BBOX1: variants seen among roughly 807,000 people sequenced by gnomAD.
BBOX1 encodes the protein gamma-butyrobetaine dioxygenase.
BBOX1 carries 35 observed loss-of-function variants against 41.6 expected under a neutral mutation model. That is an observed-to-expected ratio of 0.84 (90% CI 0.64 to 1.11). BBOX1 has a LOEUF of 1.11. Ranked by LOEUF, BBOX1 falls within the 50% of genes most tolerant of loss-of-function variation. The pLI is 0.00. For synonymous variants in BBOX1, 163 were observed against 154.7 expected (o/e 1.05, Z -0.40); for missense variants, 458 against 460.6 (o/e 0.99, Z 0.05).
chr11:27,046,234 C>T (rs1564949582), intron 2 of BBOX1: 1 of 152,004 alleles, frequency 6.6e-6, no homozygotes, highest in Admixed American at 6.6e-5. Flanking sequence ...TCTTGATTTT[C>T]CAAACAGTGC....
At chr11:27,072,915 A>T (rs1266210393) in intron 4 of BBOX1, among the ~76,000 whole-genome samples, 1 of 152,224 alleles carries the variant, frequency 6.6e-6, no homozygotes, top group African/African-American at 2.4e-5. Flanking sequence ...AAATTAATTC[A>T]AGACGGATTA....
chr11:27,062,317 A>C (rs1857152867), intron 4 of BBOX1, among the ~76,000 whole-genome samples: 1 of 152,242 alleles, frequency 6.6e-6, no homozygotes, highest in Middle Eastern at 3.4e-3. Flanking sequence ...TTGGTCCTAA[A>C]CCTGCAGGCG....
At chr11:27,056,897 C>G (rs11029813) in intron 3 of BBOX1, among the ~76,000 whole-genome samples, 1 of 150,906 alleles carries the variant, frequency 6.6e-6, no homozygotes, top group Non-Finnish European at 1.5e-5. Context: ...GAAACCCCGT[C>G]TCAACTAAAA....
At chr11:27,086,315 T>G (rs903860149) in intron 4 of BBOX1, among the ~76,000 whole-genome samples, 7 of 152,128 alleles carry the variant, frequency 4.6e-5, no homozygotes, top group African/African-American at 1.7e-4. Flanking sequence ...CTGACCCTTT[T>G]GTTAGGGACC....
chr11:27,075,805 A>G (rs1857613173), intron 4 of BBOX1, among the ~76,000 whole-genome samples: 1 of 152,184 alleles, frequency 6.6e-6, no homozygotes, highest in African/African-American at 2.4e-5. Flanking sequence ...AAGGCTGCCT[A>G]TAGGTGCACT....
intron 2 of BBOX1, among the ~76,000 whole-genome samples, chr11:27,052,151 ATTATCTT>A (rs1851691066): frequency 6.6e-6 from 1 of 152,106 alleles, no homozygotes; most frequent in Non-Finnish European, 1.5e-5. Context: ...TGACAAAGTC[ATTATCTT>A]TCATAAAATG....
intron 4 of BBOX1, among the ~76,000 whole-genome samples, chr11:27,079,869 G>A (rs2134013132): frequency 6.6e-6 from 1 of 152,186 alleles, no homozygotes; most frequent in East Asian, 1.9e-4. Flanking sequence ...TGTCTCTCAT[G>A]ATACTCATCC....
chr11:27,098,092 C>T (rs1240297408), intron 5 of BBOX1, among the ~76,000 whole-genome samples: 1 of 151,972 alleles, frequency 6.6e-6, no homozygotes, highest in Non-Finnish European at 1.5e-5. Context: ...GCTTTTATAT[C>T]TCCTGGACCT....
chr11:27,077,035 C>G (rs1857655189), intron 4 of BBOX1, among the ~76,000 whole-genome samples: 1 of 152,138 alleles, frequency 6.6e-6, no homozygotes, highest in African/African-American at 2.4e-5. Flanking sequence ...AAAGCCAGAA[C>G]ACCCAGCTCC....
intron 5 of BBOX1, among the ~76,000 whole-genome samples, chr11:27,105,695 A>G (rs1858841037): frequency 6.6e-6 from 1 of 152,178 alleles, no homozygotes; most frequent in African/African-American, 2.4e-5. Flanking sequence ...GAACTTCCCC[A>G]ATCTAGCAAG....
At chr11:27,111,574 TTC>T (rs1231601227) in intron 5 of BBOX1, among the ~76,000 whole-genome samples, 1 of 152,026 alleles carries the variant, frequency 6.6e-6, no homozygotes, top group African/African-American at 2.4e-5. Context: ...ATTTAGTACA[TTC>T]ACAATTTTGT....
At chr11:27,106,742 A>T (rs1183471965) in intron 5 of BBOX1, among the ~76,000 whole-genome samples, 2 of 93,168 alleles carry the variant, frequency 2.1e-5, no homozygotes, top group Non-Finnish European at 4.2e-5. Context: ...GGGACCTAAT[A>T]GACATCTACA....
At chr11:27,054,306 T>C (rs1372132868) in intron 2 of BBOX1, among the ~76,000 whole-genome samples, 1 of 152,034 alleles carries the variant, frequency 6.6e-6, no homozygotes, top group Admixed American at 6.6e-5. Flanking sequence ...TCCATTGTCA[T>C]ATGTCACCTT....
intron 4 of BBOX1, among the ~76,000 whole-genome samples, chr11:27,060,139 T>C (rs1564957220): frequency 6.6e-6 from 1 of 152,156 alleles, no homozygotes; most frequent in Non-Finnish European, 1.5e-5. Context: ...AGGTGGGGCC[T>C]CGTGGGAGGT....
intron 4 of BBOX1, among the ~76,000 whole-genome samples, chr11:27,076,973 C>T (rs1373610627): frequency 6.6e-6 from 1 of 152,054 alleles, no homozygotes; most frequent in East Asian, 1.9e-4. Context: ...TCAGAACTCC[C>T]CAGAAGACAG....
In BBOX1 at chr11:27,105,423, G is replaced by A. The variant is rs565144163; in HGVS notation, c.534-10029G>A. Among the ~76,000 whole-genome samples, 12 of 152,254 alleles carry A rather than the reference G, an allele frequency of 7.9e-5. 1 individual carries two copies. The South Asian group carries it at 2.3e-3, about 29-fold the overall frequency. ...ATGACCTGATGGAGCTGAAAACCATGGCACGAGAACTACGTGACGAATGCA... is the reference window on the plus strand; with the variant it reads ...ATGACCTGATGGAGCTGAAAACCATAGCACGAGAACTACGTGACGAATGCA... On this transcript the variant is annotated intron_variant, in intron 5 of 8. Transcript: ENST00000263182.
At chr11:27,126,744 C>G (rs984446747) in intron 8 of BBOX1, among the ~76,000 whole-genome samples, 2 of 148,588 alleles carry the variant, frequency 1.3e-5, no homozygotes, top group Non-Finnish European at 3.0e-5. Flanking sequence ...GGCGTGATCT[C>G]GGCTCACTGC....
intron 4 of BBOX1, among the ~76,000 whole-genome samples, chr11:27,089,519 G>A (rs1858162842): frequency 6.6e-6 from 1 of 151,950 alleles, no homozygotes; most frequent in African/African-American, 2.4e-5. Context: ...AGTCTACATA[G>A]GAATAGAAAA....
chr11:27,123,726 C>T (rs886464560), intron 7 of BBOX1, among the ~76,000 whole-genome samples: 2 of 152,028 alleles, frequency 1.3e-5, no homozygotes, highest in Non-Finnish European at 2.9e-5. Flanking sequence ...CCTAGAGGTA[C>T]ACAGTCTTTT....
Sources: allele counts gnomAD v4.1 joint callset (sites outside exome capture counted in the v4.1 genomes callset), GRCh38; gene constraint gnomAD v4.1.1; transcripts MANE v1.5; gene names NCBI Gene and HGNC (gene_info 2026-07-23, HGNC 2026-07-21).